The following PCDH7 variants were observed in gnomAD, a reference collection of about 807,000 sequenced individuals.
PCDH7 encodes the protein protocadherin-7.
A neutral mutation model predicts 58.9 loss-of-function variants in PCDH7; 17 were observed. That is an observed-to-expected ratio of 0.29 (90% CI 0.20 to 0.43). The LOEUF is 0.43. Ranked by LOEUF, PCDH7 falls within the 20% of genes least tolerant of loss-of-function variation. PCDH7 has a pLI of 1.00. For missense variants in PCDH7, 1,274 were observed against 1,441.0 expected, an observed-to-expected ratio of 0.88 and a Z score of 1.88; for synonymous variants, 664 against 616.4, an observed-to-expected ratio of 1.08 and a Z score of -1.14.
intron 1 of PCDH7, among the ~76,000 whole-genome samples, chr4:30,758,375 G>A (rs1719584787): frequency 6.6e-6 from 1 of 152,140 alleles, no homozygotes; most frequent in Admixed American, 6.6e-5. Context: ...GTTGTGCATG[G>A]TTTTACCCTA....
At chr4:30,968,341 T>TAC (rs1749195626) in intron 3 of PCDH7, among the ~76,000 whole-genome samples, 1 of 45,552 alleles carries the variant, frequency 2.2e-5, no homozygotes, top group Non-Finnish European at 3.5e-5. Context: ...ATACACACAC[T>TAC]ATATATATAT....
At chr4:31,011,467 A>C (rs2109152727) in intron 3 of PCDH7, among the ~76,000 whole-genome samples, 1 of 152,132 alleles carries the variant, frequency 6.6e-6, no homozygotes, top group South Asian at 2.1e-4. Context: ...TACTTGTAAT[A>C]GATTTCTAGC....
chr4:31,098,608 A>T (rs1234268557), intron 3 of PCDH7, among the ~76,000 whole-genome samples: 11 of 152,178 alleles, frequency 7.2e-5, no homozygotes, highest in African/African-American at 2.4e-4. Flanking sequence ...CTTTATGATT[A>T]TTGCAAAGTT....
At chr4:31,144,150 G>C (rs1382362321), downstream of PCDH7, 2 of 152,130 alleles carry the variant, frequency 1.3e-5, no homozygotes, top group Non-Finnish European at 2.9e-5. Context: ...TGCACCACAA[G>C]TGCATTAATT....
intron 3 of PCDH7, among the ~76,000 whole-genome samples, chr4:31,012,222 C>T (rs1029902718): frequency 2.0e-5 from 3 of 151,878 alleles, no homozygotes; most frequent in East Asian, 1.9e-4. Context: ...AAATAAAAAT[C>T]GGTCAGTACA....
chr4:31,005,107 T>A (rs1050149822), intron 3 of PCDH7, among the ~76,000 whole-genome samples: 27 of 152,356 alleles, frequency 1.8e-4, no homozygotes, highest in African/African-American at 5.0e-4. Flanking sequence ...GGCCTCCAGA[T>A]TGCAGGATTT....
chr4:31,068,394 C>G (rs1758265575), intron 3 of PCDH7, among the ~76,000 whole-genome samples: 1 of 151,858 alleles, frequency 6.6e-6, no homozygotes, highest in African/African-American at 2.4e-5. Context: ...ACAAAAATTC[C>G]CGCACAGCAA....
intron 1 of PCDH7, among the ~76,000 whole-genome samples, chr4:30,790,554 AAGGTACTCATT>A (rs1274564082): frequency 6.6e-6 from 1 of 152,258 alleles, no homozygotes; most frequent in African/African-American, 2.4e-5. Context: ...TAAGATGGGA[AAGGTACTCATT>A]AGTTCTAGCA....
rs542029702 is a variant in PCDH7 at position 30,910,728 on chromosome 4, A to C, written c.71-9425A>C. On this transcript the variant is annotated intron_variant, in intron 1 of 3. Transcript: ENST00000509759. ...GTTCTTGGGAGCATAAATTAGTTCA[A>C]CCATTCTGGAAGACAGGGTGGTGAT... 1.6e-4 allele frequency among the ~76,000 whole-genome samples: 25 copies of C among 152,302 alleles called. No homozygotes were observed. In the South Asian group the frequency reaches 5.2e-3, roughly 32 times the overall value.
intron 3 of PCDH7, among the ~76,000 whole-genome samples, chr4:31,050,511 T>C (rs933595044): frequency 1.3e-5 from 2 of 152,154 alleles, no homozygotes; most frequent in Non-Finnish European, 2.9e-5. Flanking sequence ...TTTTCGGTTG[T>C]AAAAGATGTC....
intron 3 of PCDH7, among the ~76,000 whole-genome samples, chr4:31,136,729 T>C (rs1719645057): frequency 6.6e-6 from 1 of 152,144 alleles, no homozygotes; most frequent in Non-Finnish European, 1.5e-5. Flanking sequence ...TGTGATGTGT[T>C]TGCCTGTCCA....
At chr4:30,782,318 CAT>C (rs903236597) in intron 1 of PCDH7, among the ~76,000 whole-genome samples, 2 of 152,080 alleles carry the variant, frequency 1.3e-5, no homozygotes, top group Admixed American at 1.3e-4. Flanking sequence ...TGTGAGGAAA[CAT>C]AATGTAAGGG....
intron 1 of PCDH7, among the ~76,000 whole-genome samples, chr4:30,772,409 A>G (rs1313200016): frequency 3.3e-5 from 5 of 152,074 alleles, no homozygotes; most frequent in East Asian, 3.9e-4. Flanking sequence ...CTCTTTCTCT[A>G]TCTCTTTCTT....
intron 2 of PCDH7, among the ~76,000 whole-genome samples, chr4:30,932,702 C>T (rs7696462): frequency 0.69 from 105,581 of 151,954 alleles, 36,714 homozygotes; most frequent in East Asian, 0.78. Context: ...AGCAGGCTAC[C>T]TGGCTGATTA....
At chr4:30,933,039 T>TA (rs1744849756) in intron 2 of PCDH7, among the ~76,000 whole-genome samples, 1 of 151,716 alleles carries the variant, frequency 6.6e-6, no homozygotes, top group African/African-American at 2.4e-5. Context: ...CTTTCTTTTT[T>TA]TTTTTTGAGA....
chr4:30,767,141 G>T (rs192352143), intron 1 of PCDH7, among the ~76,000 whole-genome samples: 36 of 152,158 alleles, frequency 2.4e-4, no homozygotes, highest in Middle Eastern at 3.4e-3. Flanking sequence ...GGCCACTGAA[G>T]TCTTAGTATC....
At chr4:31,066,013 C>T (rs954365139) in intron 3 of PCDH7, among the ~76,000 whole-genome samples, 2 of 151,764 alleles carry the variant, frequency 1.3e-5, no homozygotes, top group African/African-American at 4.8e-5. Context: ...TTACATGTTC[C>T]CTGAAAGCTA....
intron 1 of PCDH7, among the ~76,000 whole-genome samples, chr4:30,763,456 G>T (rs1720306710): frequency 6.6e-6 from 1 of 152,108 alleles, no homozygotes; most frequent in South Asian, 2.1e-4. Context: ...TCTTAAATTG[G>T]CCATATAAAA....
chr4:30,735,716 G>A (rs1716155908), downstream of PCDH7, among the ~76,000 whole-genome samples: 1 of 152,164 alleles, frequency 6.6e-6, no homozygotes, highest in African/African-American at 2.4e-5. Flanking sequence ...GAATTCTAGC[G>A]AGGAGTTGGG....
Sources: gnomAD v4.1 joint callset for allele counts (sites outside exome capture counted in the v4.1 genomes callset) on GRCh38, gnomAD v4.1.1 for gene constraint, MANE v1.5 for transcripts, NCBI Gene and HGNC (gene_info 2026-07-23, HGNC 2026-07-21) for gene names.